Variants in NAE1 observed in about 807,000 individuals in gnomAD.
NAE1 encodes the protein NEDD8 activating enzyme E1 subunit 1.
NAE1 carries 59 observed loss-of-function variants against 88.0 expected under a neutral mutation model. The observed-to-expected ratio is 0.67, with a 90% CI of 0.54 to 0.83. NAE1 has a LOEUF of 0.83. NAE1 is among the 40% of genes least tolerant of loss of function. NAE1 has a pLI of 0.00. For synonymous variants in NAE1, 186 were observed against 208.9 expected, an observed-to-expected ratio of 0.89 and a Z score of 0.95; for missense variants, 554 against 632.8, an observed-to-expected ratio of 0.88 and a Z score of 1.34.
chr16:66,825,019 C>T (rs1960407517), intron 3 of NAE1, 134 bp from the exon 4 acceptor site: 1 of 502,864 alleles, frequency 2.0e-6, no homozygotes. Flanking sequence ...AATGGCCTTC[C>T]TGGAGGAAGA....
At chr16:66,820,438 C>T (rs939935947) in intron 7 of NAE1, among the ~76,000 whole-genome samples, 3 of 152,138 alleles carry the variant, frequency 2.0e-5, no homozygotes, top group Non-Finnish European at 4.4e-5. Context: ...ATTGAGAGAA[C>T]CTAAAGCCTG....
chr16:66,817,093 A>G lies in NAE1; in HGVS notation c.685-65T>C, dbSNP rs1960074249. Reference sequence around the variant, plus strand: ...TTCAAAATACAGAAATTGAAAGTCTAAAGTGTCCCCCATTCTCTACATAAG... The same window carrying G: ...TTCAAAATACAGAAATTGAAAGTCTGAAGTGTCCCCCATTCTCTACATAAG... On this transcript the variant is annotated intron_variant, in intron 9 of 19. Transcript: ENST00000290810. The G allele has an allele frequency of 7.2e-6, 11 of 1,526,714 alleles. No homozygotes were observed. The South Asian group carries it at 9.0e-5, about 13-fold the overall frequency. The allele number at this position is 1,526,714 out of a possible 1,614,324, so 94.6% of individuals were successfully genotyped here.
chr16:66,818,675 T>TA, intron 7 of NAE1, 38 bp from the exon 8 acceptor site: 1 of 1,547,726 alleles, frequency 6.5e-7, no homozygotes, highest in Non-Finnish European at 8.7e-7. Context: ...AATTTAACAC[T>TA]TAAAAAAAAA....
chr16:66,823,238 C>G lies in NAE1; in HGVS notation c.390G>C (p.Gln130His), dbSNP rs752751818. The G allele has an allele frequency of 9.5e-6, 15 of 1,584,896 alleles. No homozygotes were observed. Among genetic ancestry groups the G allele is most frequent in the Non-Finnish European group, 1.3e-5 (15 of 1,167,272 alleles). ...ACATAAAAATTTACCTTTCAGGAAG[C>G]TGAGTTGCAACTACAACAGTAAACC... ...FCRFTVVVAT[Q>H]LPESTSLRLA... The change falls in exon 6 of 20, where the codon CAG (glutamine) becomes CAC (histidine). Residue 130 changes from glutamine (Q) to histidine (H), a missense_variant. Physicochemically the swap from Gln to His is conservative, Grantham distance 24. Coordinates refer to ENST00000290810, the MANE Select transcript of NAE1 (RefSeq NM_003905.4).
intron 11 of NAE1, among the ~76,000 whole-genome samples, chr16:66,815,394 C>A (rs1960002708): frequency 6.6e-6 from 1 of 152,178 alleles, no homozygotes; most frequent in South Asian, 2.1e-4. Context: ...CATATCATTG[C>A]CCAGGCTGCA....
At chr16:66,807,490 A>C (rs1959611224) in intron 17 of NAE1, among the ~76,000 whole-genome samples, 1 of 152,030 alleles carries the variant, frequency 6.6e-6, no homozygotes, top group South Asian at 2.1e-4. Flanking sequence ...AAATACAAAA[A>C]TTAGCTGGGC....
intron 1 of NAE1, 45 bp downstream of exon 1, chr16:66,830,802 G>C (rs1246615633): frequency 1.7e-5 from 26 of 1,502,068 alleles, no homozygotes; most frequent in Non-Finnish European, 2.2e-5. Context: ...CCCGAATGCT[G>C]GAAAGCCCGC....
chr16:66,802,998 G>A lies in NAE1; in HGVS notation c.*11C>T, dbSNP rs781214070. 1.2e-5 allele frequency: 18 copies of A among 1,510,882 alleles called. No homozygotes were observed. Among genetic ancestry groups the A allele is most frequent in the Non-Finnish European group, 1.7e-5 (18 of 1,086,416 alleles). The allele number at this position is 1,510,882 out of a possible 1,614,324, so 93.6% of individuals were successfully genotyped here. On this transcript the variant is annotated 3_prime_UTR_variant, in exon 20 of 20. Coordinates refer to ENST00000290810, the MANE Select transcript of NAE1 (RefSeq NM_003905.4). Reference sequence around the variant, plus strand: ...CAATCATTAACACACTACTTAAGGTGCTTGCTTACTCTACAACTGGAAAGT... The same window carrying A: ...CAATCATTAACACACTACTTAAGGTACTTGCTTACTCTACAACTGGAAAGT...
chr16:66,820,361 C>T (rs1410934522), intron 7 of NAE1, among the ~76,000 whole-genome samples: 1 of 152,204 alleles, frequency 6.6e-6, no homozygotes, highest in African/African-American at 2.4e-5. Flanking sequence ...CGACTTTGGT[C>T]TCTTACAACA....
chr16:66,823,518 TAC>T lies in NAE1; in HGVS notation c.321+9_321+10del, dbSNP rs1377257239. 3 of 1,600,528 alleles carry T rather than the reference TAC, an allele frequency of 1.9e-6. No homozygotes were observed. Among genetic ancestry groups the T allele is most frequent in the Non-Finnish European group, 2.6e-6 (3 of 1,170,934 alleles). On this transcript the variant is annotated intron_variant, in intron 5 of 19. Coordinates refer to ENST00000290810, the MANE Select transcript of NAE1 (RefSeq NM_003905.4). Reference sequence around the variant, plus strand: ...TTCAGCACAGACATAATAATGTGTGTACATATATACCTCTTCCACAAAACTTC... The same window carrying T: ...TTCAGCACAGACATAATAATGTGTGTATATATACCTCTTCCACAAAACTTC...
At chr16:66,823,043 C>T (rs1960331113) in intron 6 of NAE1, among the ~76,000 whole-genome samples, 184 bp downstream of exon 6, 1 of 126,528 alleles carries the variant, frequency 7.9e-6, no homozygotes, top group Admixed American at 9.0e-5. Flanking sequence ...GAGGAGGGTG[C>T]ATTGCTTGAG....
rs1258783375 is a variant in NAE1, at chr16:66,808,592, T to C, written c.1259A>G (p.Asp420Gly). 6.2e-7 allele frequency: 1 copy of C among 1,607,438 alleles called. No homozygotes were observed. The stretch of plus-strand genomic sequence containing the variant: ...CATTAAGTACAACACTATTTCATTA[T>C]CTGGATTGTCCATGCTAGAAACTGA... ...DEIISSMDNP[D>G]NEIVLYLMLR... The change falls in exon 17 of 20, where the codon GAT (aspartate) becomes GGT (glycine). Residue 420 changes from aspartate (D) to glycine (G), a missense_variant. Physicochemically the swap from Asp to Gly is moderately conservative, Grantham distance 94 (BLOSUM62 -1). Coordinates refer to ENST00000290810, the MANE Select transcript of NAE1 (RefSeq NM_003905.4).
chr16:66,810,458 G>T, intron 14 of NAE1, 45 bp from the exon 15 acceptor site: 1 of 1,532,798 alleles, frequency 6.5e-7, no homozygotes, highest in South Asian at 1.1e-5. Flanking sequence ...TAAAAGAGAA[G>T]ATTAACAAAG....
chr16:66,814,708 C>T (rs1307727171), intron 11 of NAE1, among the ~76,000 whole-genome samples: 3 of 151,976 alleles, frequency 2.0e-5, no homozygotes, highest in Admixed American at 6.6e-5. Context: ...TCTCTGCTTC[C>T]ACTCCCAGTC....
chr16:66,810,597 A>G (rs1597039561), intron 14 of NAE1, 100 bp downstream of exon 14: 2 of 1,187,536 alleles, frequency 1.7e-6, no homozygotes, highest in African/African-American at 3.1e-5. Context: ...GCTCCCTCTA[A>G]AGAAGCACAG....
intron 1 of NAE1, among the ~76,000 whole-genome samples, chr16:66,829,575 G>A (rs1960609302): frequency 6.6e-6 from 1 of 152,204 alleles, no homozygotes; most frequent in East Asian, 1.9e-4. Context: ...CACTAGGCTG[G>A]TGGCGCAAAC....
At chr16:66,810,832 T>C (rs2145318715) in intron 13 of NAE1, 60 bp from the exon 14 acceptor site, 1 of 1,468,398 alleles carries the variant, frequency 6.8e-7, no homozygotes, top group South Asian at 1.1e-5. Context: ...TTTAAATTGT[T>C]ACCATGAACA....
In NAE1 at chr16:66,823,516, T is replaced by G; in HGVS notation, c.321+13A>C. On this transcript the variant is annotated intron_variant, in intron 5 of 19. Coordinates refer to ENST00000290810, the MANE Select transcript of NAE1 (RefSeq NM_003905.4). ...ATTTCAGCACAGACATAATAATGTG[T>G]GTACATATATACCTCTTCCACAAAA... 1 of 1,597,396 alleles carries G rather than the reference T, an allele frequency of 6.3e-7. No homozygotes were observed. Among genetic ancestry groups the G allele is most frequent in the African/African-American group, 1.3e-5 (1 of 74,538 alleles).
At chr16:66,822,645 ATTTCT>A (rs1597048360) in intron 6 of NAE1, among the ~76,000 whole-genome samples, 1 of 150,490 alleles carries the variant, frequency 6.6e-6, no homozygotes, top group South Asian at 2.1e-4. Context: ...ATTTCTAAGA[ATTTCT>A]TTTATTTATT....
Sources: gnomAD v4.1 joint callset for allele counts (sites outside exome capture counted in the v4.1 genomes callset) on GRCh38, gnomAD v4.1.1 for gene constraint, MANE v1.5 for transcripts, NCBI Gene and HGNC (gene_info 2026-07-23, HGNC 2026-07-21) for gene names.